Variants in CARMIL2 observed in about 807,000 individuals in gnomAD.
CARMIL2 encodes capping protein regulator and myosin 1 linker 2.
In CARMIL2, 96 loss-of-function variants were observed where a neutral mutation model predicts 173.3. The ratio of observed to expected loss-of-function variants is 0.55; its 90% CI spans 0.47 to 0.66. The LOEUF is 0.66. Ranked by LOEUF, CARMIL2 falls within the 30% of genes least tolerant of loss-of-function variation. CARMIL2 has a pLI of 0.00. For synonymous variants in CARMIL2, 830 were observed against 817.1 expected, an observed-to-expected ratio of 1.02 and a Z score of -0.27; for missense variants, 1,771 against 1,906.7, an observed-to-expected ratio of 0.93 and a Z score of 1.33.
Position 67,656,835 on chromosome 16 carries a change from G to A in CARMIL2, c.4071G>A (p.Gly1357=), listed in dbSNP as rs1033137548. The A allele has an allele frequency of 3.9e-6, 6 of 1,550,632 alleles. No individual in the cohort carries two copies. In the Admixed American group the frequency reaches 9.8e-5, roughly 25 times the overall value. ...GQLRPRPLSA[G]RRAVSVHEDQ... The stretch of plus-strand genomic sequence containing the variant: ...TGAGGCCGAGGCCTCTCTCGGCAGG[G>A]CGGCGAGCAGTGTCTGTGCATGAGG... Residue 1357 remains glycine, a synonymous_variant, in exon 36 of 38, where the codon GGG becomes GGA. Coordinates refer to ENST00000334583, the MANE Select transcript of CARMIL2 (RefSeq NM_001013838.3).
rs2052733625 is a variant in CARMIL2 at position 67,651,989 on chromosome 16, G to A, written c.2657G>A (p.Ser886Asn). The A allele has an allele frequency of 5.0e-6, 8 of 1,613,490 alleles. No homozygotes were observed. The East Asian group carries it at 1.6e-4, about 31-fold the overall frequency. The change falls in exon 26 of 38, where the codon AGT becomes AAT. Residue 886 changes from serine (S) to asparagine (N), a missense_variant. Ser to Asn is a conservative substitution (Grantham distance 46). Around this residue, in one of 3 missense-constraint regions of CARMIL2, gnomAD observed 817 missense variants for 903.5 expected, o/e 0.90. Coordinates refer to ENST00000334583, the MANE Select transcript of CARMIL2 (RefSeq NM_001013838.3). This position sits in a 1 kb window ranked among gnomAD's most constrained non-coding sequence, Gnocchi z 4.2. ...SIVAQALAGL[S>N]AARDQLVESL... ...GTGGCTCAGGCTTTGGCAGGCCTGA[G>A]TGCAGCCCGGGATCAGCTGGTGAGG... is the stretch of plus-strand genomic sequence containing the variant.
In CARMIL2 at chr16:67,648,346, T is replaced by G; in HGVS notation, c.1334+32T>G. Reference sequence around the variant, plus strand: ...GGGACCTGTCGGGGCCGGGGGAGGCTGCTGGAAGCCGCCTCCTTGCGGCCC... The same window carrying G: ...GGGACCTGTCGGGGCCGGGGGAGGCGGCTGGAAGCCGCCTCCTTGCGGCCC... On this transcript the variant is annotated intron_variant, in intron 14 of 37. Transcript: ENST00000334583. The surrounding 1 kb of genome is among the most constrained non-coding windows in gnomAD (Gnocchi z 6.1). The G allele has an allele frequency of 1.3e-6, 2 of 1,564,846 alleles. No homozygotes were observed. Among genetic ancestry groups the G allele is most frequent in the Non-Finnish European group, 8.6e-7 (1 of 1,163,932 alleles).
rs764087791 is a variant in CARMIL2 at position 67,654,457 on chromosome 16, A to T, written c.3347A>T (p.Asp1116Val). ...CGTTCAACGCGGGGTCCACGGACTG[A>T]TCTAGAGACCAGCCCTGGGGCAGCT... ...KPRSTRGPRT[D>V]LETSPGAAPR... The change falls in exon 31 of 38, where the codon GAT becomes GTT. Residue 1116 changes from aspartate (D) to valine (V), a missense_variant. By Grantham distance (152) the Asp-to-Val change is radical. This residue lies in a region of CARMIL2 where 817 missense variants were observed against 903.5 expected (regional missense o/e 0.90). Coordinates refer to ENST00000334583, the MANE Select transcript of CARMIL2 (RefSeq NM_001013838.3). 1.2e-5 allele frequency: 19 copies of T among 1,612,954 alleles called. No homozygotes were observed. Among genetic ancestry groups the T allele is most frequent in the Non-Finnish European group, 5.1e-6 (6 of 1,179,704 alleles).
Position 67,648,639 on chromosome 16 carries a change from GC to G in CARMIL2, c.1440-41del. 6.4e-7 allele frequency: 1 copy of G among 1,561,708 alleles called. No homozygotes were observed. Reference sequence around the variant, plus strand: ...CTGCCTCCTTCGTTCGCACCCTGGAGCCCCCTGTCCCAGCTCCCGCCACCCC... The same window carrying G: ...CTGCCTCCTTCGTTCGCACCCTGGAGCCCCTGTCCCAGCTCCCGCCACCCC... On this transcript the variant is annotated intron_variant, in intron 15 of 37. Coordinates refer to ENST00000334583, the MANE Select transcript of CARMIL2 (RefSeq NM_001013838.3). This position sits in a 1 kb window ranked among gnomAD's most constrained non-coding sequence, Gnocchi z 6.1.
chr16:67,656,778 C>T, intron 35 of CARMIL2, 23 bp from the exon 36 acceptor site: 1 of 1,551,034 alleles, frequency 6.4e-7, no homozygotes, highest in Admixed American at 2.0e-5. Flanking sequence ...TTGGAATACC[C>T]CTGATTCCCT....
chr16:67,645,499 G>T, intron 1 of CARMIL2, 41 bp from the exon 2 acceptor site: 1 of 1,531,442 alleles, frequency 6.5e-7, no homozygotes. Context: ...AGTGGCTTCT[G>T]TGCAAGGACT....
intron 22 of CARMIL2, 33 bp downstream of exon 22, chr16:67,650,183 G>A (rs749930293): frequency 6.4e-7 from 1 of 1,558,862 alleles, no homozygotes; most frequent in Non-Finnish European, 8.7e-7. Flanking sequence ...CGAGAGGTAG[G>A]GCATGAGGAG....
chr16:67,646,436 C>A lies in CARMIL2; in HGVS notation c.385C>A (p.Arg129=), dbSNP rs373568142. The change falls in exon 6 of 38, where the codon CGG becomes AGG. Residue 129 remains arginine (R), a synonymous_variant. Transcript: ENST00000334583. This position sits in a 1 kb window ranked among gnomAD's most constrained non-coding sequence, Gnocchi z 4.6. ...TTAACCCCCTACCAGGAAGCTATTC[C>A]GGAGGCCCACACCAGCCTCCATGCT... is the stretch of plus-strand genomic sequence containing the variant. ...FPRSTLGKLF[R]RPTPASMLAR... 1 of 1,613,586 alleles carries A rather than the reference C, an allele frequency of 6.2e-7. No individual in the cohort carries two copies. The highest frequency in any genetic ancestry group is 1.1e-5 in the South Asian group (1 of 91,030).
rs755491634 is a variant in CARMIL2 at position 67,649,114 on chromosome 16, G to A, written c.1630G>A (p.Gly544Arg). 2 of 1,613,306 alleles carry A rather than the reference G, an allele frequency of 1.2e-6. No individual in the cohort carries two copies. The highest frequency in any genetic ancestry group is 1.7e-6 in the Non-Finnish European group (2 of 1,179,764). ...CATGGTGACTCTGGTGCTGGCCATC[G>A]GGAGAAGCCGGTCCCTGAGACATGT... ...SDMVTLVLAI[G>R]RSRSLRHVAL... The change falls in exon 18 of 38, where the codon GGG (glycine) becomes AGG (arginine). Residue 544 changes from glycine to arginine, a missense_variant. Gly to Arg is a moderately radical substitution (Grantham distance 125). Around this residue, in one of 3 missense-constraint regions of CARMIL2, gnomAD observed 944 missense variants for 975.6 expected, o/e 0.97. Coordinates refer to ENST00000334583, the MANE Select transcript of CARMIL2 (RefSeq NM_001013838.3). This position sits in a 1 kb window ranked among gnomAD's most constrained non-coding sequence, Gnocchi z 6.7.
chr16:67,645,290 A>T lies in CARMIL2; in HGVS notation c.40+4A>T. Reference sequence around the variant, plus strand: ...GGCATCTCCTGTGAGCTCCGAGGTAAGCGCTGGCCCTTCCTGCCTTCTTGG... The same window carrying T: ...GGCATCTCCTGTGAGCTCCGAGGTATGCGCTGGCCCTTCCTGCCTTCTTGG... On this transcript the variant is annotated splice_donor_region_variant and intron_variant, in intron 1 of 37. Coordinates refer to ENST00000334583, the MANE Select transcript of CARMIL2 (RefSeq NM_001013838.3). 6.2e-7 allele frequency: 1 copy of T among 1,603,826 alleles called. No homozygotes were observed. The highest frequency in any genetic ancestry group is 8.5e-7 in the Non-Finnish European group (1 of 1,175,884).
At position 67,652,273 on chromosome 16, in the gene CARMIL2, C is replaced by G; in HGVS notation, c.2751C>G (p.Ser917Arg). The G allele has an allele frequency of 6.2e-7, 1 of 1,613,178 alleles. No individual in the cohort carries two copies. The highest frequency in any genetic ancestry group is 1.7e-5 in the Admixed American group (1 of 60,018). Residue 917 changes from serine to arginine, a missense_variant, in exon 27 of 38, where the codon AGC becomes AGG. Coordinates refer to ENST00000334583, the MANE Select transcript of CARMIL2 (RefSeq NM_001013838.3). This position sits in a 1 kb window ranked among gnomAD's most constrained non-coding sequence, Gnocchi z 4.7. The stretch of plus-strand genomic sequence containing the variant: ...CAGCACCGGATGGAGGTGAGCCCAG[C>G]CTCCTTGAGCCTGGGGAATTGGAAG... ...ALPAPDGGEP[S>R]LLEPGELEGL... is the part of the protein sequence containing the mutation.
At position 67,647,952 on chromosome 16, in the gene CARMIL2, C is replaced by G; in HGVS notation, c.1065C>G (p.Asp355Glu). ...GNPGALGASE[D>E]SGGLYSFLSR... ...CTGGGGCGCTGGGGGCCTCCGAGGA[C>G]AGTGGGGTGAGTGGCTGTCTTCAGG... The change falls in exon 13 of 38, where the codon GAC becomes GAG. Residue 355 changes from aspartate to glutamate, a missense_variant. Physicochemically the swap from Asp to Glu is conservative, Grantham distance 45. Transcript: ENST00000334583. 1 of 1,607,594 alleles carries G rather than the reference C, an allele frequency of 6.2e-7. No individual in the cohort carries two copies. Among genetic ancestry groups the G allele is most frequent in the South Asian group, 1.1e-5 (1 of 89,834 alleles).
Position 67,647,908 on chromosome 16 carries a change from C to T in CARMIL2, c.1021C>T (p.Leu341=). ...CGCCTTCGACTCCACCCTGACCCAC[C>T]TGGACCTTTCTGGGAATCCTGGGGC... is the stretch of plus-strand genomic sequence containing the variant. The part of the protein sequence containing the change: ...NAAFDSTLTH[L]DLSGNPGALG... Residue 341 remains leucine (L), a synonymous_variant, in exon 13 of 38, where the codon CTG becomes TTG. Transcript: ENST00000334583. 1 of 1,611,526 alleles carries T rather than the reference C, an allele frequency of 6.2e-7. No homozygotes were observed. Among genetic ancestry groups the T allele is most frequent in the South Asian group, 1.1e-5 (1 of 90,758 alleles).
rs1287178788 is a variant in CARMIL2 at position 67,656,288 on chromosome 16, C to G, written c.3803C>G (p.Ser1268Cys). 1 of 1,613,894 alleles carries G rather than the reference C, an allele frequency of 6.2e-7. No homozygotes were observed. Among genetic ancestry groups the G allele is most frequent in the Non-Finnish European group, 8.5e-7 (1 of 1,179,894 alleles). ...ATCTCGATCAAGTCCCGCACCCACT[C>G]TGTGTCTGCTGGTGAGTGAGGGCCA... ...PPISIKSRTH[S>C]VSADPSCRPG... Residue 1268 changes from serine to cysteine, a missense_variant, in exon 34 of 38, where the codon TCT becomes TGT. Transcript: ENST00000334583.
In CARMIL2 at chr16:67,656,019, T is replaced by C. The variant is rs1178362108; in HGVS notation, c.3706-12T>C. Reference sequence around the variant, plus strand: ...GGGCAGGGCTGGAATCTGATTGCCCTGTTTCCTGCAGAGCAAAGATGGCGA... The same window carrying C: ...GGGCAGGGCTGGAATCTGATTGCCCCGTTTCCTGCAGAGCAAAGATGGCGA... On this transcript the variant is annotated splice_polypyrimidine_tract_variant and intron_variant, in intron 32 of 37. Coordinates refer to ENST00000334583, the MANE Select transcript of CARMIL2 (RefSeq NM_001013838.3). The C allele has an allele frequency of 1.9e-6, 3 of 1,586,818 alleles. No homozygotes were observed. Among genetic ancestry groups the C allele is most frequent in the African/African-American group, 1.3e-5 (1 of 74,388 alleles).
At position 67,652,162 on chromosome 16, in the gene CARMIL2, GGCCCTACCT is replaced by G; in HGVS notation, c.2677-33_2677-25del. 6.2e-7 allele frequency: 1 copy of G among 1,606,474 alleles called. No homozygotes were observed. The highest frequency in any genetic ancestry group is 1.7e-5 in the Admixed American group (1 of 59,870). On this transcript the variant is annotated intron_variant, in intron 26 of 37. Coordinates refer to ENST00000334583, the MANE Select transcript of CARMIL2 (RefSeq NM_001013838.3). This position sits in a 1 kb window ranked among gnomAD's most constrained non-coding sequence, Gnocchi z 4.7. The stretch of plus-strand genomic sequence containing the variant: ...TTAGCATCAATGGGATCATGGCTGA[GGCCCTACCT>G]GCCATCTTTGGCTGCTTGGTATTGC...
rs772111698 is a variant in CARMIL2 at position 67,648,339 on chromosome 16, G to C, written c.1334+25G>C. The C allele has an allele frequency of 3.2e-6, 5 of 1,570,290 alleles. No individual in the cohort carries two copies. Among genetic ancestry groups the C allele is most frequent in the Non-Finnish European group, 4.3e-6 (5 of 1,166,620 alleles). On this transcript the variant is annotated intron_variant, in intron 14 of 37. Coordinates refer to ENST00000334583, the MANE Select transcript of CARMIL2 (RefSeq NM_001013838.3). This position sits in a 1 kb window ranked among gnomAD's most constrained non-coding sequence, Gnocchi z 6.1. ...CGTAAGGGGGACCTGTCGGGGCCGG[G>C]GGAGGCTGCTGGAAGCCGCCTCCTT...
chr16:67,646,281 CAAG>C lies in CARMIL2; in HGVS notation c.349_351del (p.Lys117del). On this transcript the variant is annotated inframe_deletion, in exon 5 of 38. Transcript: ENST00000334583. This position sits in a 1 kb window ranked among gnomAD's most constrained non-coding sequence, Gnocchi z 4.6. ...TGGCCCAGCACGTGGCTGCAGCCAT[CAAG>C]AAGGTCTTCCCTCGCTCGACCCTTG... 2 of 1,613,692 alleles carry C rather than the reference CAAG, an allele frequency of 1.2e-6. No homozygotes were observed. The highest frequency in any genetic ancestry group is 1.1e-5 in the South Asian group (1 of 91,080).
At position 67,652,216 on chromosome 16, in the gene CARMIL2, G is replaced by T; in HGVS notation, c.2694G>T (p.Gln898His). 1 of 1,612,702 alleles carries T rather than the reference G, an allele frequency of 6.2e-7. No individual in the cohort carries two copies. Among genetic ancestry groups the T allele is most frequent in the East Asian group, 2.2e-5 (1 of 44,882 alleles). The stretch of plus-strand genomic sequence containing the variant: ...TATTGCAGGTGGAGAGTCTGGCTCA[G>T]CAGGCAACAGTGACAATGCCCCCTG... ...ARDQLVESLA[Q>H]QATVTMPPAL... is the part of the protein sequence containing the mutation. Residue 898 changes from glutamine (Q) to histidine (H), a missense_variant, in exon 27 of 38, where the codon CAG becomes CAT. Transcript: ENST00000334583. This position sits in a 1 kb window ranked among gnomAD's most constrained non-coding sequence, Gnocchi z 4.7.
Sources: gnomAD v4.1 joint callset for allele counts on GRCh38, gnomAD v4.1.1 for gene constraint, gnomAD v4.1.1 regional missense constraint, Gnocchi (gnomAD v3.1) non-coding constraint, MANE v1.5 for transcripts, NCBI Gene and HGNC (gene_info 2026-07-23, HGNC 2026-07-21) for gene names.